Variants in SLC5A10 observed in about 807,000 individuals in gnomAD.
The protein encoded by SLC5A10 is solute carrier family 5 member 10, also known as sodium/mannose cotransporter SLC5A10.
In SLC5A10, 55 loss-of-function variants were observed where a neutral mutation model predicts 68.9. The ratio of observed to expected loss-of-function variants is 0.80; its 90% CI spans 0.64 to 1.00. The LOEUF is 1.00. Among genes scored for constraint, SLC5A10 ranks in the 50% least tolerant of loss-of-function variants. The pLI is 0.00. For missense variants in SLC5A10, 732 were observed against 819.3 expected, an observed-to-expected ratio of 0.89 and a Z score of 1.30; for synonymous variants, 344 against 344.8, an observed-to-expected ratio of 1.00 and a Z score of 0.02.
At position 19,003,541 on chromosome 17, in the gene SLC5A10, C is replaced by A; in HGVS notation, c.983-9869C>A. On this transcript the variant is annotated intron_variant, in intron 9 of 14. Transcript: ENST00000395645. This position sits in a 1 kb window ranked among gnomAD's most constrained non-coding sequence, Gnocchi z 4.5. ...TCACCTTCTGTGCCTGGCTGATCAT[C>A]TTCCGCACCACCTCTTTGATGTGGG... 6.5e-7 allele frequency: 1 copy of A among 1,546,264 alleles called. No individual in the cohort carries two copies. Among genetic ancestry groups the A allele is most frequent in the Non-Finnish European group, 8.7e-7 (1 of 1,145,982 alleles).
intron 5 of SLC5A10, among the ~76,000 whole-genome samples, chr17:18,965,086 TTAA>T (rs1023366876): frequency 6.9e-6 from 1 of 144,662 alleles, no homozygotes; most frequent in African/African-American, 2.7e-5. Context: ...AGAGGTTTTT[TTAA>T]AAAAAAAAAA....
intron 8 of SLC5A10, among the ~76,000 whole-genome samples, chr17:18,974,806 A>G (rs1301985850): frequency 6.6e-6 from 1 of 152,152 alleles, no homozygotes; most frequent in Non-Finnish European, 1.5e-5. Context: ...TGAAATGGCC[A>G]CTCAGGGAGT....
At chr17:18,977,164 G>C (rs756901230) in intron 9 of SLC5A10, 175 bp downstream of exon 9, 2 of 869,024 alleles carry the variant, frequency 2.3e-6, no homozygotes, top group Admixed American at 2.7e-5. Flanking sequence ...CATGGATGTG[G>C]CTTGGCACAA....
Position 19,017,416 on chromosome 17 carries a change from C to T in SLC5A10, c.1242-2007C>T, listed in dbSNP as rs1567815979. 7 of 1,540,990 alleles carry T rather than the reference C, an allele frequency of 4.5e-6. No homozygotes were observed. Among genetic ancestry groups the T allele is most frequent in the Non-Finnish European group, 5.3e-6 (6 of 1,137,232 alleles). ...TCTGGTAGGGTGAATGGCCTGACAA[C>T]AGTCTCTGTCAGGGAGAGGCGAGGC... On this transcript the variant is annotated intron_variant, in intron 11 of 14. Coordinates refer to ENST00000395645, the MANE Select transcript of SLC5A10 (RefSeq NM_001042450.4). This position sits in a 1 kb window ranked among gnomAD's most constrained non-coding sequence, Gnocchi z 5.6.
At chr17:19,005,866 G>T (rs544130547) in intron 9 of SLC5A10, among the ~76,000 whole-genome samples, 2 of 152,314 alleles carry the variant, frequency 1.3e-5, no homozygotes, top group African/African-American at 4.8e-5. Flanking sequence ...ACACATATTT[G>T]CATCCTCCTC....
chr17:18,996,475 C>G lies in SLC5A10; in HGVS notation c.983-16935C>G, dbSNP rs568365516. Among the ~76,000 whole-genome samples the G allele has an allele frequency of 4.7e-4, 71 of 152,242 alleles. No individual in the cohort carries two copies. Among genetic ancestry groups the G allele is most frequent in the African/African-American group, 1.7e-3 (69 of 41,546 alleles). ...TAGGATCCCTGGGTGGTGCTCCCTG[C>G]CACCTCCTGGCAATCTCCAAACCAG... On this transcript the variant is annotated intron_variant, in intron 9 of 14. Transcript: ENST00000395645. This position sits in a 1 kb window ranked among gnomAD's most constrained non-coding sequence, Gnocchi z 4.4.
chr17:18,991,849 G>T (rs963006147), intron 9 of SLC5A10, among the ~76,000 whole-genome samples: 12 of 152,350 alleles, frequency 7.9e-5, no homozygotes, highest in Non-Finnish European at 1.6e-4. Context: ...CGGCCTTGAG[G>T]CCTCGAAGAT....
At chr17:19,012,250 C>T (rs1296458851) in intron 9 of SLC5A10, among the ~76,000 whole-genome samples, 2 of 152,254 alleles carry the variant, frequency 1.3e-5, no homozygotes, top group Non-Finnish European at 2.9e-5. Flanking sequence ...TCTCACTGAG[C>T]AGAGCAGTGA....
chr17:19,015,679 T>G (rs1324054277), intron 11 of SLC5A10, among the ~76,000 whole-genome samples: 1 of 152,202 alleles, frequency 6.6e-6, no homozygotes, highest in Non-Finnish European at 1.5e-5. Context: ...TGACTCATGC[T>G]GATCTTTCTG....
At chr17:19,008,469 G>A (rs1307602859) in intron 9 of SLC5A10, among the ~76,000 whole-genome samples, 1 of 151,310 alleles carries the variant, frequency 6.6e-6, no homozygotes, top group African/African-American at 2.4e-5. Flanking sequence ...TCAGAATTCT[G>A]AGTTTTTACA....
Position 18,959,173 on chromosome 17 carries a change from C to T in SLC5A10, c.222C>T (p.Gly74=). The change falls in exon 3 of 15, where the codon GGC becomes GGT. Residue 74 remains glycine, a synonymous_variant. Transcript: ENST00000395645. ...TCTTCGCCAGCAGCGAGGGCTCTGG[C>T]CTCTTCATTGGACTGGCGGGCTCAG... is the stretch of plus-strand genomic sequence containing the variant. ...ASLFASSEGS[G]LFIGLAGSGA... The T allele has an allele frequency of 2.5e-6, 4 of 1,613,854 alleles. No individual in the cohort carries two copies. The highest frequency in any genetic ancestry group is 3.4e-6 in the Non-Finnish European group (4 of 1,179,940).
intron 9 of SLC5A10, among the ~76,000 whole-genome samples, chr17:19,011,357 G>T (rs11654290): frequency 6.6e-6 from 1 of 152,134 alleles, no homozygotes; most frequent in African/African-American, 2.4e-5. Flanking sequence ...GTCTGCAAAG[G>T]CATGGAGGCG....
intron 9 of SLC5A10, among the ~76,000 whole-genome samples, chr17:18,994,499 C>T (rs752516279): frequency 6.6e-6 from 1 of 152,142 alleles, no homozygotes; most frequent in African/African-American, 2.4e-5. Flanking sequence ...AGCTGATAGC[C>T]GAGCAGCACA....
Position 18,996,379 on chromosome 17 carries a change from G to C in SLC5A10, c.983-17031G>C, listed in dbSNP as rs1301131638. ...CCCCCTCCCCTCCTCCTCCCCTCCA[G>C]GGGGCTGGCAGAATTAGTGACATGC... On this transcript the variant is annotated intron_variant, in intron 9 of 14. Transcript: ENST00000395645. This position sits in a 1 kb window ranked among gnomAD's most constrained non-coding sequence, Gnocchi z 4.4. Among the ~76,000 whole-genome samples, 1 of 152,030 alleles carries C rather than the reference G, an allele frequency of 6.6e-6. No individual in the cohort carries two copies. Among genetic ancestry groups the C allele is most frequent in the African/African-American group, 2.4e-5 (1 of 41,384 alleles).
intron 9 of SLC5A10, among the ~76,000 whole-genome samples, chr17:18,990,063 G>A (rs1456317612): frequency 6.6e-6 from 1 of 152,228 alleles, no homozygotes; most frequent in Non-Finnish European, 1.5e-5. Context: ...TGTTTCTGAA[G>A]GGCTGTTTTG....
chr17:18,981,186 C>G (rs966935309), intron 9 of SLC5A10, among the ~76,000 whole-genome samples: 4 of 152,050 alleles, frequency 2.6e-5, no homozygotes, highest in Non-Finnish European at 5.9e-5. Context: ...AGAGGAGTAG[C>G]CTGAAGTGTG....
At chr17:18,988,168 G>A in intron 9 of SLC5A10, 1 of 1,552,396 alleles carries the variant, frequency 6.4e-7, no homozygotes, top group Non-Finnish European at 8.7e-7. Context: ...TCCAGAGCAG[G>A]CAGGTACTCG....
At position 19,003,489 on chromosome 17, in the gene SLC5A10, C is replaced by T. The variant is rs1420244846; in HGVS notation, c.983-9921C>T. 6.6e-7 allele frequency: 1 copy of T among 1,505,444 alleles called. No individual in the cohort carries two copies. The highest frequency in any genetic ancestry group is 2.3e-5 in the East Asian group (1 of 42,670). 93.3% of individuals were successfully genotyped at this position (1,505,444 alleles called of 1,614,324 possible). On this transcript the variant is annotated intron_variant, in intron 9 of 14. Coordinates refer to ENST00000395645, the MANE Select transcript of SLC5A10 (RefSeq NM_001042450.4). This position sits in a 1 kb window ranked among gnomAD's most constrained non-coding sequence, Gnocchi z 4.5. The stretch of plus-strand genomic sequence containing the variant: ...AGAGGGGTCCGGTGGCTGGTTGGGC[C>T]ATGGCTCCAGGAGTCCCCGCGCTGC...
chr17:18,979,664 C>G (rs997447086), intron 9 of SLC5A10: 1 of 1,613,416 alleles, frequency 6.2e-7, no homozygotes. Flanking sequence ...CTGCTCCGCA[C>G]TCTGAGATTC....
Sources: allele counts gnomAD v4.1 joint callset (sites outside exome capture counted in the v4.1 genomes callset), GRCh38; gene constraint gnomAD v4.1.1; non-coding constraint Gnocchi (gnomAD v3.1); transcripts MANE v1.5; gene names NCBI Gene and HGNC (gene_info 2026-07-23, HGNC 2026-07-21).